The following TBX5 variants were observed in gnomAD, a reference collection of about 807,000 sequenced individuals.
TBX5 encodes the protein T-box transcription factor 5, also known as T-box transcription factor TBX5.
TBX5 carries 8 observed loss-of-function variants against 51.1 expected under a neutral mutation model. The observed-to-expected ratio is 0.16, with a 90% confidence interval of 0.09 to 0.28. TBX5 has a LOEUF of 0.28. Among genes scored for constraint, TBX5 ranks in the 10% least tolerant of loss-of-function variants. TBX5 has a pLI of 1.00. For missense variants in TBX5, 589 were observed against 671.7 expected (o/e 0.88, Z 1.36); for synonymous variants, 302 against 266.4 (o/e 1.13, Z -1.30).
At chr12:114,373,289 C>T (rs1870017147) in intron 7 of TBX5, among the ~76,000 whole-genome samples, 1 of 152,104 alleles carries the variant, frequency 6.6e-6, no homozygotes, top group Non-Finnish European at 1.5e-5. Context: ...ATGACATTAC[C>T]CTTTGTCTCA....
At chr12:114,388,642 C>T (rs1870962558) in intron 6 of TBX5, among the ~76,000 whole-genome samples, 1 of 150,816 alleles carries the variant, frequency 6.6e-6, no homozygotes, top group Non-Finnish European at 1.5e-5. Context: ...TATTCCTACC[C>T]TAAAGTTTAT....
intron 5 of TBX5, 26 bp downstream of exon 5, chr12:114,398,547 C>A (rs763976765): frequency 1.6e-5 from 26 of 1,608,696 alleles, no homozygotes; most frequent in Non-Finnish European, 2.0e-5. Context: ...GGAGACAAGG[C>A]GGGGAATCCA....
At chr12:114,407,741 G>A, upstream of TBX5, 1 of 984,430 alleles carries the variant, frequency 1.0e-6, no homozygotes, top group Non-Finnish European at 1.2e-6. Flanking sequence ...ACTAAGACGG[G>A]GTGAAAAGCC....
intron 7 of TBX5, among the ~76,000 whole-genome samples, chr12:114,383,438 G>C (rs915356527): frequency 2.6e-5 from 4 of 152,196 alleles, no homozygotes; most frequent in South Asian, 4.1e-4. Flanking sequence ...ACAAACCTAG[G>C]GGGGTGGCCA....
At chr12:114,397,433 T>C (rs114498735) in intron 5 of TBX5, among the ~76,000 whole-genome samples, 2,171 of 152,354 alleles carry the variant, frequency 0.014, 57 homozygotes, top group African/African-American at 0.049. Flanking sequence ...CCCACTTGTA[T>C]GGCAGAATCA....
chr12:114,356,044 C>T lies in TBX5; in HGVS notation c.1045G>A (p.Glu349Lys). Residue 349 changes from glutamate (E) to lysine (K), a missense_variant, in exon 9 of 9, where the codon GAA (glutamate) becomes AAA (lysine). Physicochemically the swap from Glu to Lys is moderately conservative, Grantham distance 56. Transcript: ENST00000405440. ...KKPYMETSPS[E>K]EDSFYRSSYP... ...CTAGAGCGGTAGAAGGAATCTTCTT[C>T]ACTGGGTGATGTCTCCATGTAGGGC... 2 of 1,614,066 alleles carry T rather than the reference C, an allele frequency of 1.2e-6. No homozygotes were observed. Among genetic ancestry groups the T allele is most frequent in the African/African-American group, 2.7e-5 (2 of 75,052 alleles).
chr12:114,378,037 T>C (rs1870291615), intron 7 of TBX5, among the ~76,000 whole-genome samples: 1 of 152,032 alleles, frequency 6.6e-6, no homozygotes, highest in Non-Finnish European at 1.5e-5. Context: ...GAGCCTCAAG[T>C]TACCCCTTAG....
chr12:114,361,235 G>A (rs576538994), intron 8 of TBX5, among the ~76,000 whole-genome samples: 18 of 152,274 alleles, frequency 1.2e-4, no homozygotes, highest in African/African-American at 3.4e-4. Flanking sequence ...CTGCTGCAGG[G>A]AACTGGAGAA....
At chr12:114,406,362 G>A (rs1872223413), upstream of TBX5, among the ~76,000 whole-genome samples, 1 of 151,940 alleles carries the variant, frequency 6.6e-6, no homozygotes, top group Non-Finnish European at 1.5e-5. Context: ...AGCAAGCGGT[G>A]GCTGCAAAAA....
chr12:114,401,955 C>T, intron 2 of TBX5, 35 bp from the exon 3 acceptor site: 2 of 1,593,572 alleles, frequency 1.3e-6, no homozygotes, highest in Non-Finnish European at 1.7e-6. Flanking sequence ...ACTAACAAGC[C>T]CTGGCAGTAG....
At chr12:114,370,769 TA>T (rs1425157347) in intron 7 of TBX5, among the ~76,000 whole-genome samples, 4 of 152,136 alleles carry the variant, frequency 2.6e-5, no homozygotes, top group Non-Finnish European at 4.4e-5. Flanking sequence ...TTATCATGTT[TA>T]TTTTTTTCAC....
At chr12:114,363,529 C>T (rs10850327) in intron 8 of TBX5, among the ~76,000 whole-genome samples, 5,670 of 152,244 alleles carry the variant, frequency 0.037, 421 homozygotes, top group East Asian at 0.35. Context: ...TTAGAGCTCC[C>T]GAATTCAAAC....
intron 3 of TBX5, among the ~76,000 whole-genome samples, chr12:114,399,981 T>C (rs752297224): frequency 6.6e-6 from 1 of 152,170 alleles, no homozygotes; most frequent in Non-Finnish European, 1.5e-5. Flanking sequence ...TTATTAATAT[T>C]TGTGGGGAGA....
upstream of TBX5, chr12:114,408,307 T>C (rs1346079683): frequency 6.6e-6 from 5 of 762,726 alleles, no homozygotes; most frequent in African/African-American, 1.9e-5. Context: ...AAGACACAAA[T>C]AGAGCCAAGA....
At chr12:114,361,647 C>T (rs569955054) in intron 8 of TBX5, among the ~76,000 whole-genome samples, 328 of 152,208 alleles carry the variant, frequency 2.2e-3, no homozygotes, top group African/African-American at 7.1e-3. Context: ...GACTCCTGGG[C>T]TCATTGGAAA....
intron 6 of TBX5, among the ~76,000 whole-genome samples, chr12:114,391,807 A>G (rs1334256848): frequency 6.6e-6 from 1 of 152,194 alleles, no homozygotes; most frequent in African/African-American, 2.4e-5. Context: ...TAAATCACAC[A>G]TCATATATCC....
At chr12:114,401,997 A>G (rs1409664527) in intron 2 of TBX5, 77 bp from the exon 3 acceptor site, 8 of 1,235,714 alleles carry the variant, frequency 6.5e-6, no homozygotes. Context: ...CCCCCAAAAC[A>G]CAGAGACTGC....
intron 7 of TBX5, among the ~76,000 whole-genome samples, chr12:114,379,418 A>AT (rs1870383946): frequency 6.6e-6 from 1 of 152,112 alleles, no homozygotes; most frequent in Admixed American, 6.5e-5. Flanking sequence ...AAGACTCCCA[A>AT]TGTGTTGTTG....
intron 6 of TBX5, among the ~76,000 whole-genome samples, chr12:114,386,857 G>A (rs1381343647): frequency 6.6e-6 from 1 of 152,092 alleles, no homozygotes; most frequent in African/African-American, 2.4e-5. Flanking sequence ...ACTTTGGGAA[G>A]CCAAGGTGGG....
Sources: gnomAD v4.1 joint callset for allele counts (sites outside exome capture counted in the v4.1 genomes callset) on GRCh38, gnomAD v4.1.1 for gene constraint, MANE v1.5 for transcripts, NCBI Gene and HGNC (gene_info 2026-07-23, HGNC 2026-07-21) for gene names.